The following BAZ2B variants were observed in gnomAD, a reference collection of about 807,000 sequenced individuals.
The protein encoded by BAZ2B is bromodomain adjacent to zinc finger domain 2B.
BAZ2B carries 91 observed loss-of-function variants against 246.0 expected under a neutral mutation model. The ratio of observed to expected loss-of-function variants is 0.37; its 90% CI spans 0.31 to 0.44. BAZ2B has a LOEUF of 0.44. BAZ2B is among the 20% of genes least tolerant of loss of function. The pLI, the probability that BAZ2B is intolerant of heterozygous loss-of-function variation, is 1.00. For missense variants in BAZ2B, 2,332 were observed against 2,533.7 expected (o/e 0.92, Z 1.71); for synonymous variants, 855 against 860.0 (o/e 0.99, Z 0.10).
At chr2:159,370,063 T>C (rs932116187) in intron 27 of BAZ2B, among the ~76,000 whole-genome samples, 3 of 152,054 alleles carry the variant, frequency 2.0e-5, no homozygotes, top group African/African-American at 4.8e-5. Flanking sequence ...AGCAAACTAT[T>C]GCAAGGACAA....
intron 2 of BAZ2B, among the ~76,000 whole-genome samples, chr2:159,491,664 T>G (rs1368819461): frequency 8.4e-6 from 1 of 118,962 alleles, no homozygotes; most frequent in Admixed American, 1.1e-4. Context: ...GAGCTTGCAG[T>G]GAGCCGAGAT....
At position 159,353,914 on chromosome 2, in the gene BAZ2B, C is replaced by G. The variant is rs2058816496; in HGVS notation, c.4214-3557G>C. 2.0e-5 allele frequency among the ~76,000 whole-genome samples: 3 copies of G among 151,836 alleles called. 1 individual carries two copies. The South Asian group carries it at 6.2e-4, about 32-fold the overall frequency. On this transcript the variant is annotated intron_variant, in intron 27 of 36. Transcript: ENST00000392783. ...AACTGTGCCTTGGTTAAACAAAGGT[C>G]AAGAATACAGGAACTTAAAAATATC... is the stretch of plus-strand genomic sequence containing the variant.
At chr2:159,430,797 T>C (rs2070958724) in intron 10 of BAZ2B, 66 bp downstream of exon 10, 1 of 1,544,162 alleles carries the variant, frequency 6.5e-7, no homozygotes, top group Admixed American at 2.1e-5. Context: ...AGAACACTCT[T>C]ATCAATAAAA....
At chr2:159,384,181 A>T (rs2112116) in intron 23 of BAZ2B, among the ~76,000 whole-genome samples, 1 of 151,798 alleles carries the variant, frequency 6.6e-6, no homozygotes, top group Non-Finnish European at 1.5e-5. Context: ...TCAAATAGGG[A>T]TGCTTTTTCC....
chr2:159,530,758 T>C (rs2085296701), intron 2 of BAZ2B, among the ~76,000 whole-genome samples: 2 of 152,058 alleles, frequency 1.3e-5, no homozygotes, highest in African/African-American at 2.4e-5. Flanking sequence ...TCACTTGAGA[T>C]CAGGAGTTTG....
chr2:159,703,038 C>T, the BAZ2B span, among the ~76,000 whole-genome samples: 2 of 146,758 alleles, frequency 1.4e-5, no homozygotes, highest in South Asian at 2.2e-4. Context: ...AGCAAGACTC[C>T]GTCTCAAAAC....
intron 23 of BAZ2B, 142 bp from the exon 24 acceptor site, chr2:159,383,822 G>A (rs13399308): frequency 0.14 from 86,789 of 638,980 alleles, 6,578 homozygotes; most frequent in Middle Eastern, 0.23. Flanking sequence ...GCATATACAC[G>A]TTCATATATG....
intron 1 of BAZ2B, among the ~76,000 whole-genome samples, chr2:159,605,897 C>T (rs1023099232): frequency 6.6e-6 from 1 of 152,132 alleles, no homozygotes; most frequent in Non-Finnish European, 1.5e-5. Context: ...AGTGTACCTA[C>T]AAACAGGCTT....
intron 3 of BAZ2B, among the ~76,000 whole-genome samples, chr2:159,472,868 GC>G (rs2077990131): frequency 6.6e-6 from 1 of 152,172 alleles, no homozygotes; most frequent in Non-Finnish European, 1.5e-5. Flanking sequence ...TTTTTGATGT[GC>G]TGCTGGATTC....
chr2:159,621,429 T>C (rs1696426452), upstream of BAZ2B, among the ~76,000 whole-genome samples: 2 of 152,020 alleles, frequency 1.3e-5, no homozygotes, highest in African/African-American at 4.8e-5. Flanking sequence ...AAAAATTCAG[T>C]TGGAAAAAGA....
At chr2:159,408,022 T>C (rs1050793156) in intron 14 of BAZ2B, among the ~76,000 whole-genome samples, 14 of 152,208 alleles carry the variant, frequency 9.2e-5, no homozygotes, top group African/African-American at 3.4e-4. Context: ...AAATGTTTCC[T>C]AGAAAATATG....
chr2:159,491,446 C>T (rs897096974), intron 2 of BAZ2B, among the ~76,000 whole-genome samples: 4 of 151,974 alleles, frequency 2.6e-5, no homozygotes, highest in Non-Finnish European at 4.4e-5. Context: ...GTTGGCCAGG[C>T]GCGGTGGCTC....
chr2:159,653,880 A>T, the BAZ2B span, among the ~76,000 whole-genome samples: 1 of 152,174 alleles, frequency 6.6e-6, no homozygotes. Context: ...ATACTAATTT[A>T]ACCTCTGTAC....
At chr2:159,496,486 GAAAA>G (rs537958598) in intron 2 of BAZ2B, among the ~76,000 whole-genome samples, 2 of 108,574 alleles carry the variant, frequency 1.8e-5, no homozygotes, top group East Asian at 2.7e-4. Context: ...GACTCTGCAG[GAAAA>G]AAAAAAAAAA....
chr2:159,689,909 C>T, the BAZ2B span: 1 of 385,706 alleles, frequency 2.6e-6, no homozygotes, highest in Non-Finnish European at 4.8e-6. Flanking sequence ...AAAGTCAACA[C>T]AGAACAGATG....
chr2:159,634,244 T>A, the BAZ2B span, among the ~76,000 whole-genome samples: 1 of 152,246 alleles, frequency 6.6e-6, no homozygotes, highest in Non-Finnish European at 1.5e-5. Context: ...TAGCTGCTGC[T>A]CTGTTAATAC....
chr2:159,508,452 T>C (rs143938733), intron 2 of BAZ2B, among the ~76,000 whole-genome samples: 88 of 152,328 alleles, frequency 5.8e-4, no homozygotes, highest in East Asian at 3.3e-3. Flanking sequence ...CTATAGATTA[T>C]TGAAATTTTG....
chr2:159,679,001 G>A, the BAZ2B span, among the ~76,000 whole-genome samples: 321 of 152,256 alleles, frequency 2.1e-3, 6 homozygotes, highest in Non-Finnish European at 1.9e-4. Context: ...GGCCGGGCGC[G>A]GTGGCTCACG....
chr2:159,633,991 C>T, the BAZ2B span, among the ~76,000 whole-genome samples: 6 of 152,038 alleles, frequency 3.9e-5, no homozygotes, highest in Admixed American at 3.9e-4. Context: ...CTACCCACCT[C>T]GGGCTCCCAA....
Sources: gnomAD v4.1 joint callset for allele counts (sites outside exome capture counted in the v4.1 genomes callset) on GRCh38, gnomAD v4.1.1 for gene constraint, MANE v1.5 for transcripts, NCBI Gene and HGNC (gene_info 2026-07-23, HGNC 2026-07-21) for gene names.